The following GTPBP10 variants were observed in gnomAD, a reference collection of about 807,000 sequenced individuals.
GTPBP10 encodes the protein GTP-binding protein 10.
In GTPBP10, 38 loss-of-function variants were observed where a neutral mutation model predicts 44.8. The ratio of observed to expected loss-of-function variants is 0.85; its 90% CI spans 0.65 to 1.11. The LOEUF (loss-of-function observed/expected upper bound fraction) is 1.11. GTPBP10 is among the 50% of genes most tolerant of loss of function. GTPBP10 has a pLI of 0.00. For missense variants in GTPBP10, 462 were observed against 453.7 expected (o/e 1.02, Z -0.17); for synonymous variants, 152 against 150.6 (o/e 1.01, Z -0.07).
At chr7:90,363,492 G>A (rs1480068810) in intron 4 of GTPBP10, among the ~76,000 whole-genome samples, 1 of 152,198 alleles carries the variant, frequency 6.6e-6, no homozygotes, top group Non-Finnish European at 1.5e-5. Flanking sequence ...TAGAGTTTCT[G>A]CCGAGAGATC....
chr7:90,358,485 C>T (rs1040301854), intron 4 of GTPBP10, among the ~76,000 whole-genome samples: 1 of 152,082 alleles, frequency 6.6e-6, no homozygotes, highest in South Asian at 2.1e-4. Flanking sequence ...ACCAACTGAT[C>T]GTCAACAAAG....
rs537149474 is a variant in GTPBP10, at chr7:90,366,567, A to C, written c.465-5588A>C. Among the ~76,000 whole-genome samples the C allele has an allele frequency of 6.9e-4, 105 of 151,956 alleles. 1 individual carries two copies. The highest frequency in any genetic ancestry group is 2.8e-4 in the Non-Finnish European group (19 of 67,958). On this transcript the variant is annotated intron_variant, in intron 4 of 9. Coordinates refer to ENST00000222511, the MANE Select transcript of GTPBP10 (RefSeq NM_033107.4). ...TAGATTTTCTAGTTTATTTGCATAG[A>C]ATTGTTTATAGTATTGTCTGATGGT...
Position 90,388,951 on chromosome 7 carries a change from G to A in GTPBP10, c.*3797G>A, listed in dbSNP as rs1373242862. Reference sequence around the variant, plus strand: ...TTAAAAATAATTTTTCAAAGCAACAGCACAGATGCACTTTAAAACTGTAGC... The same window carrying A: ...TTAAAAATAATTTTTCAAAGCAACAACACAGATGCACTTTAAAACTGTAGC... On this transcript the variant is annotated 3_prime_UTR_variant, in exon 10 of 10. Coordinates refer to ENST00000222511, the MANE Select transcript of GTPBP10 (RefSeq NM_033107.4). 2 of 152,134 alleles carry A rather than the reference G, an allele frequency of 1.3e-5. No individual in the cohort carries two copies. Among genetic ancestry groups the A allele is most frequent in the Non-Finnish European group, 2.9e-5 (2 of 68,016 alleles). The allele number at this position is 152,134 out of a possible 1,614,324, so 9.4% of individuals were successfully genotyped here.
intron 4 of GTPBP10, among the ~76,000 whole-genome samples, chr7:90,370,916 A>C (rs966354652): frequency 1.3e-4 from 20 of 151,984 alleles, no homozygotes; most frequent in Non-Finnish European, 2.5e-4. Flanking sequence ...CTGAGGCAGG[A>C]GAATGGCGTG....
chr7:90,362,782 G>T (rs1389428198), intron 4 of GTPBP10, among the ~76,000 whole-genome samples: 1 of 152,114 alleles, frequency 6.6e-6, no homozygotes, highest in Non-Finnish European at 1.5e-5. Context: ...CTCTTTGTAG[G>T]TCTCTAAGGA....
intron 4 of GTPBP10, among the ~76,000 whole-genome samples, chr7:90,368,611 G>A (rs763678377): frequency 1.6e-4 from 25 of 152,080 alleles, no homozygotes; most frequent in Non-Finnish European, 3.2e-4. Flanking sequence ...CGTGCGTCAC[G>A]AAGTTCTCGT....
At chr7:90,375,196 G>GT (rs892569897) in intron 6 of GTPBP10, among the ~76,000 whole-genome samples, 1 of 150,116 alleles carries the variant, frequency 6.7e-6, no homozygotes, top group African/African-American at 2.4e-5. Context: ...TGTGGAGACA[G>GT]TAAAAAAAAA....
chr7:90,354,902 A>G (rs956330430), intron 3 of GTPBP10, among the ~76,000 whole-genome samples, 184 bp from the exon 4 acceptor site: 2 of 152,206 alleles, frequency 1.3e-5, no homozygotes, highest in Non-Finnish European at 2.9e-5. Flanking sequence ...TTAATTATAG[A>G]TTTGTAATTG....
At chr7:90,367,243 A>G (rs1242420127) in intron 4 of GTPBP10, among the ~76,000 whole-genome samples, 2 of 152,176 alleles carry the variant, frequency 1.3e-5, no homozygotes, top group Non-Finnish European at 2.9e-5. Flanking sequence ...CGATATGCTG[A>G]GAAGAATATA....
At position 90,384,215 on chromosome 7, in the gene GTPBP10, G is replaced by A. The variant is rs187685448; in HGVS notation, c.902-677G>A. Among the ~76,000 whole-genome samples the A allele has an allele frequency of 6.3e-3, 953 of 152,250 alleles. 6 individuals carry two copies. Among genetic ancestry groups the A allele is most frequent in the Non-Finnish European group, 0.011 (726 of 68,014 alleles). ...GGGGCTTTTGAATCTCAGAAAGTAAGCTCCATGTTGTCTTCTCCACCAATC... is the reference window on the plus strand; with the variant it reads ...GGGGCTTTTGAATCTCAGAAAGTAAACTCCATGTTGTCTTCTCCACCAATC... On this transcript the variant is annotated intron_variant, in intron 9 of 9. Transcript: ENST00000222511.
At chr7:90,365,623 A>T (rs6955618) in intron 4 of GTPBP10, among the ~76,000 whole-genome samples, 1 of 151,610 alleles carries the variant, frequency 6.6e-6, no homozygotes, top group Non-Finnish European at 1.5e-5. Context: ...TGATCCGCCC[A>T]CCTCGGCCTC....
intron 4 of GTPBP10, among the ~76,000 whole-genome samples, chr7:90,363,822 C>CT (rs1207529335): frequency 2.0e-5 from 3 of 152,054 alleles, no homozygotes; most frequent in African/African-American, 7.2e-5. Context: ...TTCTTGGAGG[C>CT]TTTGTTCATT....
At chr7:90,363,285 T>G (rs1219475791) in intron 4 of GTPBP10, among the ~76,000 whole-genome samples, 1 of 152,200 alleles carries the variant, frequency 6.6e-6, no homozygotes, top group Admixed American at 6.5e-5. Flanking sequence ...GTTGTTCCTT[T>G]CCATGTTTAG....
At chr7:90,346,963 G>A (rs1189140456) in intron 1 of GTPBP10, among the ~76,000 whole-genome samples, 189 bp downstream of exon 1, 1 of 152,180 alleles carries the variant, frequency 6.6e-6, no homozygotes, top group Non-Finnish European at 1.5e-5. Context: ...ACCTGGCGTG[G>A]TTTGGACGGT....
At chr7:90,356,685 C>T (rs1795907484) in intron 4 of GTPBP10, among the ~76,000 whole-genome samples, 1 of 151,642 alleles carries the variant, frequency 6.6e-6, no homozygotes, top group Non-Finnish European at 1.5e-5. Context: ...TTTTGCTTTT[C>T]ACCACGTCAT....
chr7:90,352,793 ATTCT>A lies in GTPBP10; in HGVS notation c.34-18_34-15del, dbSNP rs1795815768. On this transcript the variant is annotated intron_variant, in intron 1 of 9. Coordinates refer to ENST00000222511, the MANE Select transcript of GTPBP10 (RefSeq NM_033107.4). ...GGTGATACACTTTTGGTATACAAAT[ATTCT>A]TTCTCTTTTTTTTTTAAGTATGGAA... 6.5e-7 allele frequency: 1 copy of A among 1,549,574 alleles called. No individual in the cohort carries two copies. Among genetic ancestry groups the A allele is most frequent in the South Asian group, 1.2e-5 (1 of 83,754 alleles).
At chr7:90,363,408 G>A (rs185470836) in intron 4 of GTPBP10, among the ~76,000 whole-genome samples, 1 of 152,250 alleles carries the variant, frequency 6.6e-6, no homozygotes, top group African/African-American at 2.4e-5. Context: ...TAGTTTGGCT[G>A]GATATGAAAT....
At chr7:90,365,148 T>C (rs1238643655) in intron 4 of GTPBP10, among the ~76,000 whole-genome samples, 1 of 152,100 alleles carries the variant, frequency 6.6e-6, no homozygotes. Flanking sequence ...GCACCCACTA[T>C]CCAACAAGCC....
intron 4 of GTPBP10, among the ~76,000 whole-genome samples, chr7:90,358,788 A>C (rs1795955090): frequency 6.6e-6 from 1 of 152,226 alleles, no homozygotes; most frequent in Non-Finnish European, 1.5e-5. Context: ...TGTGCACAGC[A>C]AAAGAAAGAA....
Sources: gnomAD v4.1 joint callset for allele counts (sites outside exome capture counted in the v4.1 genomes callset) on GRCh38, gnomAD v4.1.1 for gene constraint, MANE v1.5 for transcripts, NCBI Gene and HGNC (gene_info 2026-07-23, HGNC 2026-07-21) for gene names.